The following DOP1B variants were observed in gnomAD, a reference collection of about 807,000 sequenced individuals.
DOP1B encodes the protein protein DOP1B.
A neutral mutation model predicts 233.5 loss-of-function variants in DOP1B; 174 were observed. That is an observed-to-expected ratio of 0.75 (90% CI 0.66 to 0.85). DOP1B has a LOEUF of 0.85. Ranked by LOEUF, DOP1B falls within the 40% of genes least tolerant of loss-of-function variation. The pLI is 0.00. For synonymous variants in DOP1B, 1,190 were observed against 1,185.6 expected (o/e 1.00, Z -0.08); for missense variants, 2,652 against 2,846.6 (o/e 0.93, Z 1.56).
rs1484611511 is a variant in DOP1B, at chr21:36,254,257, A to G, written c.5259+348A>G. ...CACCTGCCTCAAGGAGCTCGCAGCC[A>G]TAAAGATGCCAAAGATAAACAAAAC... On this transcript the variant is annotated intron_variant, in intron 23 of 36. Transcript: ENST00000691173. Among the ~76,000 whole-genome samples, 3 of 152,220 alleles carry G rather than the reference A, an allele frequency of 2.0e-5. No individual in the cohort carries two copies. The East Asian group carries it at 5.8e-4, about 29-fold the overall frequency.
In DOP1B at chr21:36,209,208, G is replaced by A. The variant is rs113572335; in HGVS notation, c.681+304G>A. Among the ~76,000 whole-genome samples the A allele has an allele frequency of 9.5e-3, 1,442 of 152,278 alleles. 25 individuals carry two copies. Among genetic ancestry groups the A allele is most frequent in the African/African-American group, 0.032 (1,324 of 41,550 alleles). ...ACAACCTCGACTCACTGCAAGCTTC[G>A]CCTCCCGGGTTCAAGCAATTCTCCT... On this transcript the variant is annotated intron_variant, in intron 5 of 36. Coordinates refer to ENST00000691173, the MANE Select transcript of DOP1B (RefSeq NM_001320714.2).
At position 36,261,947 on chromosome 21, in the gene DOP1B, C is replaced by G. The variant is rs989095788; in HGVS notation, c.5315+1215C>G. ...AAAATGGGGGTGGGAAGGGTATAGA[C>G]CACTTCTCAGGGAAGCCTCACTATG... On this transcript the variant is annotated intron_variant, in intron 24 of 36. Transcript: ENST00000691173. The G allele has an allele frequency of 4.1e-6, 4 of 984,276 alleles. No homozygotes were observed. The African/African-American group carries it at 5.2e-5, about 13-fold the overall frequency. The allele number at this position is 984,276 out of a possible 1,614,324, so 61.0% of individuals were successfully genotyped here. A position where few individuals can be genotyped will look rare whatever the true frequency, so the allele number is the denominator to read the frequency against.
Position 36,233,522 on chromosome 21 carries a change from G to A in DOP1B, c.2622+447G>A, listed in dbSNP as rs540138610. 5.3e-4 allele frequency among the ~76,000 whole-genome samples: 81 copies of A among 152,340 alleles called. 1 individual carries two copies. In the South Asian group the frequency reaches 0.015, roughly 29 times the overall value. ...TTGCTTGGCCACATGCACCAGAGTG[G>A]ATAGTGACGTTTCCATGGAGCTAAG... On this transcript the variant is annotated intron_variant, in intron 15 of 36. Coordinates refer to ENST00000691173, the MANE Select transcript of DOP1B (RefSeq NM_001320714.2).
At chr21:36,275,071 C>T (rs536514787) in intron 27 of DOP1B, among the ~76,000 whole-genome samples, 284 of 152,188 alleles carry the variant, frequency 1.9e-3, no homozygotes, top group Middle Eastern at 3.4e-3. Context: ...TCTCGAACTC[C>T]TGACCTCAAG....
intron 2 of DOP1B, chr21:36,169,933 G>A: frequency 1.3e-6 from 1 of 771,224 alleles, no homozygotes; most frequent in Non-Finnish European, 2.4e-6. Context: ...AACCACCATA[G>A]GTGGTGTCTC....
At chr21:36,235,526 C>T (rs780541279) in intron 15 of DOP1B, among the ~76,000 whole-genome samples, 1 of 151,560 alleles carries the variant, frequency 6.6e-6, no homozygotes, top group African/African-American at 2.4e-5. Context: ...GAGTTCGAGA[C>T]CAGTCTGGCC....
intron 26 of DOP1B, among the ~76,000 whole-genome samples, chr21:36,266,982 G>A (rs1336573333): frequency 1.3e-5 from 2 of 152,052 alleles, no homozygotes; most frequent in Admixed American, 6.6e-5. Flanking sequence ...TAGCCAATTC[G>A]CCACTTCCCT....
chr21:36,253,352 G>C (rs1465082026), intron 22 of DOP1B, among the ~76,000 whole-genome samples: 1 of 152,070 alleles, frequency 6.6e-6, no homozygotes, highest in Non-Finnish European at 1.5e-5. Flanking sequence ...TTCCTAATTT[G>C]TATCAAATTA....
intron 26 of DOP1B, among the ~76,000 whole-genome samples, chr21:36,266,168 T>G (rs2067228168): frequency 6.6e-6 from 1 of 152,022 alleles, no homozygotes; most frequent in African/African-American, 2.4e-5. Flanking sequence ...TTGAACAGTT[T>G]ATTTTATTTA....
intron 23 of DOP1B, 84 bp from the exon 24 acceptor site, chr21:36,260,593 A>C: frequency 6.3e-7 from 1 of 1,578,666 alleles, no homozygotes; most frequent in Non-Finnish European, 8.7e-7. Context: ...TTGTTAGGCT[A>C]TAGATCTGTT....
intron 11 of DOP1B, among the ~76,000 whole-genome samples, chr21:36,224,054 A>G (rs2066655346): frequency 6.6e-6 from 1 of 152,106 alleles, no homozygotes; most frequent in Non-Finnish European, 1.5e-5. Flanking sequence ...TAAGCTCACA[A>G]CCCTGGGAAA....
At chr21:36,196,012 A>G (rs1601402066) in intron 2 of DOP1B, among the ~76,000 whole-genome samples, 1 of 152,382 alleles carries the variant, frequency 6.6e-6, no homozygotes, top group Non-Finnish European at 1.5e-5. Context: ...GTTGGCCCCA[A>G]GTATGTCACG....
intron 12 of DOP1B, among the ~76,000 whole-genome samples, chr21:36,226,376 C>T (rs1469031376): frequency 6.6e-6 from 1 of 150,970 alleles, no homozygotes; most frequent in Non-Finnish European, 1.5e-5. Flanking sequence ...CGGCTCACTG[C>T]AACCTCCGCC....
chr21:36,239,250 G>T (rs892294233), intron 17 of DOP1B, among the ~76,000 whole-genome samples: 5 of 152,186 alleles, frequency 3.3e-5, no homozygotes, highest in African/African-American at 1.2e-4. Context: ...ATCCTGGCAT[G>T]CCCCGGGATC....
At chr21:36,215,504 A>G (rs1197287992) in intron 9 of DOP1B, among the ~76,000 whole-genome samples, 16 of 151,934 alleles carry the variant, frequency 1.1e-4, no homozygotes. Context: ...GGGTTCGAAC[A>G]ATTAATTCTC....
intron 32 of DOP1B, among the ~76,000 whole-genome samples, 199 bp from the exon 33 acceptor site, chr21:36,287,815 T>G (rs2067504156): frequency 3.3e-5 from 5 of 151,804 alleles, no homozygotes; most frequent in African/African-American, 4.8e-5. Flanking sequence ...TCGAACTCCT[T>G]ATCTTGTTAT....
chr21:36,268,924 T>C (rs1191389005), intron 26 of DOP1B, among the ~76,000 whole-genome samples: 1 of 152,166 alleles, frequency 6.6e-6, no homozygotes, highest in Non-Finnish European at 1.5e-5. Flanking sequence ...TGCCTCGGCC[T>C]CCCAAAGTGC....
chr21:36,255,570 C>T (rs1160560567), intron 23 of DOP1B, among the ~76,000 whole-genome samples: 4 of 151,814 alleles, frequency 2.6e-5, no homozygotes, highest in Non-Finnish European at 1.5e-5. Context: ...ATAGCTGAGA[C>T]CACACATGCA....
chr21:36,162,394 C>T (rs79110673), intron 1 of DOP1B, among the ~76,000 whole-genome samples: 1 of 152,116 alleles, frequency 6.6e-6, no homozygotes, highest in Non-Finnish European at 1.5e-5. Context: ...GGGGTTTCAC[C>T]ATGTTGCTCA....
Sources: gnomAD v4.1 joint callset for allele counts (sites outside exome capture counted in the v4.1 genomes callset) on GRCh38, gnomAD v4.1.1 for gene constraint, MANE v1.5 for transcripts, NCBI Gene and HGNC (gene_info 2026-07-23, HGNC 2026-07-21) for gene names.